The following MCM9 variants were observed in gnomAD, a reference collection of about 807,000 sequenced individuals.
MCM9 encodes DNA helicase MCM9.
A neutral mutation model predicts 72.8 loss-of-function variants in MCM9; 55 were observed. The ratio of observed to expected loss-of-function variants is 0.76; its 90% CI spans 0.61 to 0.95. MCM9 has a LOEUF of 0.95. Among genes scored for constraint, MCM9 ranks in the 40% least tolerant of loss-of-function variants. The pLI is 0.00. For synonymous variants in MCM9, 480 were observed against 503.4 expected, an observed-to-expected ratio of 0.95 and a Z score of 0.62; for missense variants, 1,279 against 1,377.0, an observed-to-expected ratio of 0.93 and a Z score of 1.13.
chr6:118,897,397 C>T, intron 8 of MCM9, among the ~76,000 whole-genome samples: 1 of 152,062 alleles, frequency 6.6e-6, no homozygotes, highest in East Asian at 1.9e-4. Flanking sequence ...TTGATGGTCA[C>T]CAAGACTGTA....
intron 9 of MCM9, among the ~76,000 whole-genome samples, chr6:118,852,334 T>C (rs1338326939): frequency 6.6e-6 from 1 of 152,038 alleles, no homozygotes; most frequent in Non-Finnish European, 1.5e-5. Flanking sequence ...TAAATATGAG[T>C]AGCAAAATAA....
chr6:118,878,548 T>A (rs1011751761), intron 8 of MCM9, among the ~76,000 whole-genome samples: 14 of 152,286 alleles, frequency 9.2e-5, no homozygotes, highest in Non-Finnish European at 1.0e-4. Flanking sequence ...AAGATATAAT[T>A]TGTATGACAA....
intron 9 of MCM9, among the ~76,000 whole-genome samples, chr6:118,841,408 T>C (rs1451214457): frequency 6.6e-6 from 1 of 152,120 alleles, no homozygotes; most frequent in East Asian, 1.9e-4. Context: ...GAGACTAGAC[T>C]GTGAAGACTA....
rs1386692931 is a variant in MCM9, at chr6:118,852,458, A to G, written c.1325+3913T>C. 2.0e-5 allele frequency among the ~76,000 whole-genome samples: 3 copies of G among 152,262 alleles called. No homozygotes were observed. In the East Asian group the frequency reaches 5.8e-4, roughly 29 times the overall value. ...TTATCCTTCAAATTATTTCCTTTGG[A>G]AGATGTCACTCCAATTAAAAAAGGA... On this transcript the variant is annotated intron_variant, in intron 9 of 13. Coordinates refer to ENST00000619706, the MANE Select transcript of MCM9 (RefSeq NM_017696.3).
intron 13 of MCM9, among the ~76,000 whole-genome samples, chr6:118,821,473 T>C (rs1016088521): frequency 6.6e-6 from 1 of 152,172 alleles, no homozygotes; most frequent in African/African-American, 2.4e-5. Context: ...GCTTGTAGGG[T>C]TTCTGCCGAG....
intron 8 of MCM9, among the ~76,000 whole-genome samples, chr6:118,881,218 G>A (rs890396852): frequency 1.3e-5 from 2 of 151,978 alleles, no homozygotes; most frequent in Admixed American, 1.3e-4. Flanking sequence ...GTCAGCCAAG[G>A]ATTACGTATA....
intron 8 of MCM9, among the ~76,000 whole-genome samples, chr6:118,896,319 G>C (rs1307381294): frequency 6.6e-6 from 1 of 151,792 alleles, no homozygotes; most frequent in African/African-American, 2.4e-5. Context: ...ACCATTGATC[G>C]GTCCATTCCA....
intron 8 of MCM9, among the ~76,000 whole-genome samples, chr6:118,888,282 C>G (rs1001065141): frequency 7.2e-5 from 11 of 152,014 alleles, no homozygotes; most frequent in Non-Finnish European, 1.2e-4. Flanking sequence ...GTCAGTAGAT[C>G]GAGACCATCC....
At chr6:118,916,522 G>A (rs961873991) in intron 6 of MCM9, among the ~76,000 whole-genome samples, 7 of 150,598 alleles carry the variant, frequency 4.6e-5, no homozygotes, top group East Asian at 1.9e-4. Flanking sequence ...GCAGTGGCGC[G>A]ATCTTGGCTC....
chr6:118,872,715 C>A (rs1450077213), intron 8 of MCM9, among the ~76,000 whole-genome samples: 1 of 151,708 alleles, frequency 6.6e-6, no homozygotes, highest in Non-Finnish European at 1.5e-5. Flanking sequence ...ACAGCAAAAG[C>A]ACTTAGAGCG....
At chr6:118,853,284 AT>A (rs1776341844) in intron 9 of MCM9, among the ~76,000 whole-genome samples, 1 of 152,202 alleles carries the variant, frequency 6.6e-6, no homozygotes, top group Non-Finnish European at 1.5e-5. Context: ...TGAAGAGTCT[AT>A]CCAATGTCAC....
At chr6:118,842,112 CG>C (rs1775414950) in intron 9 of MCM9, among the ~76,000 whole-genome samples, 1 of 152,158 alleles carries the variant, frequency 6.6e-6, no homozygotes, top group South Asian at 2.1e-4. Context: ...GCATTACAGG[CG>C]TGAGACACCG....
intron 8 of MCM9, among the ~76,000 whole-genome samples, chr6:118,900,395 T>C (rs1440592572): frequency 6.6e-6 from 1 of 152,202 alleles, no homozygotes; most frequent in Non-Finnish European, 1.5e-5. Context: ...CCAAATAAAT[T>C]TGGGAAGTGC....
intron 8 of MCM9, among the ~76,000 whole-genome samples, chr6:118,892,121 GAGTAAGGTAGTATCAATGGT>G (rs755023985): frequency 1.3e-3 from 191 of 152,308 alleles, no homozygotes; most frequent in Non-Finnish European, 2.2e-3. Flanking sequence ...GTCTCTCCTG[GAGTAAGGTAGTATCAATGGT>G]GAGGAAACTA....
chr6:118,822,634 A>T (rs560458118), intron 13 of MCM9, among the ~76,000 whole-genome samples: 1 of 152,252 alleles, frequency 6.6e-6, no homozygotes, highest in African/African-American at 2.4e-5. Flanking sequence ...CCCTTAGCAG[A>T]GTGTGCTGCT....
At chr6:118,861,088 G>A (rs1200307445) in intron 8 of MCM9, among the ~76,000 whole-genome samples, 2 of 152,230 alleles carry the variant, frequency 1.3e-5, no homozygotes, top group Admixed American at 6.5e-5. Flanking sequence ...AATGAGTGTG[G>A]TGTCCAGCCA....
intron 8 of MCM9, among the ~76,000 whole-genome samples, chr6:118,884,304 G>C (rs924720948): frequency 1.3e-5 from 2 of 152,028 alleles, no homozygotes; most frequent in African/African-American, 2.4e-5. Context: ...GCATAAAAAG[G>C]GGAAAATGGT....
intron 8 of MCM9, among the ~76,000 whole-genome samples, chr6:118,895,405 A>T (rs1779324207): frequency 6.6e-6 from 1 of 152,224 alleles, no homozygotes; most frequent in Non-Finnish European, 1.5e-5. Context: ...CAGAAATAAG[A>T]TACTTAAATA....
At chr6:118,820,456 T>A (rs575810093) in intron 13 of MCM9, among the ~76,000 whole-genome samples, 21 of 152,318 alleles carry the variant, frequency 1.4e-4, no homozygotes, top group Admixed American at 1.2e-3. Context: ...TAATCCTGAG[T>A]TCTAATTTGA....
Sources: allele counts gnomAD v4.1 joint callset (sites outside exome capture counted in the v4.1 genomes callset), GRCh38; gene constraint gnomAD v4.1.1; transcripts MANE v1.5; gene names NCBI Gene and HGNC (gene_info 2026-07-23, HGNC 2026-07-21).